The following TPO variants were observed in gnomAD, a reference collection of about 807,000 sequenced individuals.
The protein encoded by TPO is thyroid microsomal antigen.
In TPO, 78 loss-of-function variants were observed where a neutral mutation model predicts 96.9. The observed-to-expected ratio is 0.81, with a 90% CI of 0.67 to 0.97. TPO has a LOEUF of 0.97. Ranked by LOEUF, TPO falls within the 50% of genes least tolerant of loss-of-function variation. The probability of loss-of-function intolerance (pLI) is 0.00; values close to 1 mark genes in which losing one functional copy is unlikely to be tolerated. For synonymous variants in TPO, 547 were observed against 538.0 expected (o/e 1.02, Z -0.23); for missense variants, 1,252 against 1,274.8 (o/e 0.98, Z 0.27).
Position 1,431,808 on chromosome 2 carries a change from G to A in TPO, c.180-1630G>A, listed in dbSNP as rs75243125. ...AAATATAAACAATGCATTTAATTATGGCAGAACAACTGAAGAGAACAACTA... is the reference window on the plus strand; with the variant it reads ...AAATATAAACAATGCATTTAATTATAGCAGAACAACTGAAGAGAACAACTA... On this transcript the variant is annotated intron_variant, in intron 3 of 16. Coordinates refer to ENST00000329066, the MANE Select transcript of TPO (RefSeq NM_001206744.2). Among the ~76,000 whole-genome samples, 3,079 of 152,300 alleles carry A rather than the reference G, an allele frequency of 0.02. 175 individuals carry two copies. The East Asian group carries it at 0.23, about 11-fold the overall frequency.
intron 1 of TPO, among the ~76,000 whole-genome samples, chr2:1,394,046 A>G (rs1363610460): frequency 1.3e-5 from 2 of 152,186 alleles, no homozygotes; most frequent in Non-Finnish European, 2.9e-5. Flanking sequence ...CCATGTGACA[A>G]TTTTCAATAC....
At position 1,387,345 on chromosome 2, in the gene TPO, C is replaced by T. The variant is rs1010119181; in HGVS notation, n.180+12943C>T. ...CCATTGTCCCCATCACTTTCAGGTA[C>T]ACCAATCAGACATAGATTTGGTCTT... On this transcript the variant is annotated intron_variant and non_coding_transcript_variant, in intron 1 of 5. Coordinates refer to the TPO transcript ENST00000497517. Among the ~76,000 whole-genome samples, 7 of 152,328 alleles carry T rather than the reference C, an allele frequency of 4.6e-5. No homozygotes were observed. The South Asian group carries it at 1.0e-3, about 23-fold the overall frequency.
intron 10 of TPO, 80 bp from the exon 11 acceptor site, chr2:1,493,722 G>T (rs779732361): frequency 3.2e-6 from 5 of 1,540,528 alleles, no homozygotes; most frequent in Admixed American, 1.7e-5. Flanking sequence ...TTCCAGTCTC[G>T]GGGACCATGG....
At chr2:1,472,017 A>T (rs1419426059) in intron 7 of TPO, among the ~76,000 whole-genome samples, 1 of 151,650 alleles carries the variant, frequency 6.6e-6, no homozygotes, top group Admixed American at 6.6e-5. Flanking sequence ...TGTTCATAGC[A>T]TACCCATCCC....
chr2:1,465,415 T>C (rs1668810895), intron 7 of TPO, among the ~76,000 whole-genome samples: 1 of 152,112 alleles, frequency 6.6e-6, no homozygotes, highest in Non-Finnish European at 1.5e-5. Context: ...TTTTAGGATT[T>C]TGTTTTCTAA....
chr2:1,526,834 A>T (rs1676639141), intron 15 of TPO, among the ~76,000 whole-genome samples: 1 of 109,896 alleles, frequency 9.1e-6, no homozygotes, highest in Non-Finnish European at 1.7e-5. Flanking sequence ...ACCTCCCCAA[A>T]TCCTCCCCAC....
intron 5 of TPO, among the ~76,000 whole-genome samples, chr2:1,441,847 C>G (rs1379247339): frequency 6.6e-6 from 1 of 152,176 alleles, no homozygotes; most frequent in Non-Finnish European, 1.5e-5. Context: ...AAGACAAATT[C>G]TATTTTAAAA....
intron 3 of TPO, among the ~76,000 whole-genome samples, chr2:1,427,204 G>A (rs1380601048): frequency 6.6e-6 from 1 of 152,246 alleles, no homozygotes; most frequent in African/African-American, 2.4e-5. Flanking sequence ...TGGGGAGGGG[G>A]GCCCTGTGCC....
intron 5 of TPO, among the ~76,000 whole-genome samples, chr2:1,438,245 TC>T (rs1196843833): frequency 6.6e-6 from 1 of 152,106 alleles, no homozygotes; most frequent in African/African-American, 2.4e-5. Context: ...GTTTCATACT[TC>T]TGATTTTATT....
intron 1 of TPO, among the ~76,000 whole-genome samples, chr2:1,380,206 A>G (rs1661786712): frequency 1.3e-5 from 2 of 152,076 alleles, no homozygotes; most frequent in African/African-American, 4.8e-5. Flanking sequence ...CATCCTGGCT[A>G]ATACGGTGAA....
rs753971477 is a variant in TPO at position 1,477,559 on chromosome 2, C to T, written c.1293C>T (p.Asp431=). 5 of 1,536,330 alleles carry T rather than the reference C, an allele frequency of 3.3e-6. No homozygotes were observed. Among genetic ancestry groups the T allele is most frequent in the Admixed American group, 3.9e-5 (2 of 51,096 alleles). The change falls in exon 8 of 17, where the codon GAC becomes GAT. Residue 431 remains aspartate, a synonymous_variant. Coordinates refer to ENST00000329066, the MANE Select transcript of TPO (RefSeq NM_001206744.2). ...CCCTCAATGCGCACTGGAGCGCGGACGCCGTGTACCAGGAGGCGCGCAAGG... is the reference window on the plus strand; with the variant it reads ...CCCTCAATGCGCACTGGAGCGCGGATGCCGTGTACCAGGAGGCGCGCAAGG... The part of the protein sequence containing the change: ...LKALNAHWSA[D]AVYQEARKVV...
rs180694743 is a variant in TPO at position 1,384,471 on chromosome 2, C to G, written n.180+10069C>G. On this transcript the variant is annotated intron_variant and non_coding_transcript_variant, in intron 1 of 5. Coordinates refer to the TPO transcript ENST00000497517. ...CCTAGGTATTTTATTCTCTTTGAAGCAATTGTGAATGGGAGTTCACTCATG... is the reference window on the plus strand; with the variant it reads ...CCTAGGTATTTTATTCTCTTTGAAGGAATTGTGAATGGGAGTTCACTCATG... Among the ~76,000 whole-genome samples the G allele has an allele frequency of 2.2e-3, 333 of 152,252 alleles. 1 individual carries two copies. Among genetic ancestry groups the G allele is most frequent in the Non-Finnish European group, 4.1e-3 (278 of 68,018 alleles).
Position 1,477,319 on chromosome 2 carries a change from C to T in TPO, c.1053C>T (p.Arg351=). The change falls in exon 8 of 17, where the codon CGC becomes CGT. Residue 351 remains arginine (R), a synonymous_variant. Coordinates refer to ENST00000329066, the MANE Select transcript of TPO (RefSeq NM_001206744.2). ...GGACCAGTGCCGAAGGGCTGCTCCG[C>T]GTCCACGCGCGCCTCCGGGACTCCG... ...RNWTSAEGLL[R]VHARLRDSGR... The T allele has an allele frequency of 6.4e-7, 1 of 1,567,682 alleles. No individual in the cohort carries two copies. Among genetic ancestry groups the T allele is most frequent in the Non-Finnish European group, 8.6e-7 (1 of 1,157,220 alleles).
intron 1 of TPO, among the ~76,000 whole-genome samples, chr2:1,405,243 A>G (rs1256274959): frequency 4.0e-5 from 6 of 149,768 alleles, no homozygotes; most frequent in Admixed American, 3.3e-4. Flanking sequence ...TTATCCATCC[A>G]TCCATCCATC....
intron 15 of TPO, among the ~76,000 whole-genome samples, chr2:1,527,269 T>C (rs1208914694): frequency 1.8e-5 from 2 of 112,986 alleles, no homozygotes; most frequent in African/African-American, 7.3e-5. Flanking sequence ...ACCCCCACTG[T>C]GAGCAACCTC....
intron 1 of TPO, among the ~76,000 whole-genome samples, chr2:1,380,659 A>T (rs1661796658): frequency 6.6e-6 from 1 of 152,234 alleles, no homozygotes; most frequent in Non-Finnish European, 1.5e-5. Flanking sequence ...CAGCTGAGTT[A>T]GAACAGGCTC....
At chr2:1,495,688 T>C (rs542157781) in intron 11 of TPO, among the ~76,000 whole-genome samples, 1 of 152,312 alleles carries the variant, frequency 6.6e-6, no homozygotes, top group South Asian at 2.1e-4. Flanking sequence ...CTCCTTCGGG[T>C]CCTCAGTACC....
intron 1 of TPO, among the ~76,000 whole-genome samples, chr2:1,380,408 A>C (rs1661793047): frequency 6.6e-6 from 1 of 151,964 alleles, no homozygotes; most frequent in Non-Finnish European, 1.5e-5. Flanking sequence ...AAAAAAAAAA[A>C]AAAAGTCTAT....
chr2:1,463,632 A>T (rs532662535), intron 7 of TPO, among the ~76,000 whole-genome samples: 1 of 152,310 alleles, frequency 6.6e-6, no homozygotes, highest in South Asian at 2.1e-4. Flanking sequence ...CAGCCCAGGG[A>T]GCTGTGAGAG....
Sources: gnomAD v4.1 joint callset for allele counts (sites outside exome capture counted in the v4.1 genomes callset) on GRCh38, gnomAD v4.1.1 for gene constraint, MANE v1.5 for transcripts, NCBI Gene and HGNC (gene_info 2026-07-23, HGNC 2026-07-21) for gene names.